Variants in PLD1 observed in about 807,000 individuals in gnomAD.
PLD1 encodes the protein phospholipase D1.
A neutral mutation model predicts 137.1 loss-of-function variants in PLD1; 112 were observed. That is an observed-to-expected ratio of 0.82 (90% CI 0.70 to 0.96). The LOEUF (loss-of-function observed/expected upper bound fraction) is 0.96. Ranked by LOEUF, PLD1 falls within the 40% of genes least tolerant of loss-of-function variation. PLD1 has a pLI of 0.00. For missense variants in PLD1, 1,321 were observed against 1,342.0 expected (o/e 0.98, Z 0.24); for synonymous variants, 431 against 454.7 (o/e 0.95, Z 0.66).
Position 171,604,648 on chromosome 3 carries a change from A to G in PLD1, c.3000+651T>C, listed in dbSNP as rs533199153. ...CTCTTTTACATTCTTTATTATAACC[A>G]AAGGATAGACTTCACAGGCAATGCA... is the stretch of plus-strand genomic sequence containing the variant. On this transcript the variant is annotated intron_variant, in intron 26 of 26. Coordinates refer to ENST00000351298, the MANE Select transcript of PLD1 (RefSeq NM_002662.5). Among the ~76,000 whole-genome samples, 35 of 152,328 alleles carry G rather than the reference A, an allele frequency of 2.3e-4. No individual in the cohort carries two copies. In the South Asian group the frequency reaches 2.5e-3, roughly 11 times the overall value.
intron 19 of PLD1, among the ~76,000 whole-genome samples, chr3:171,668,163 C>T (rs1474904176): frequency 6.6e-6 from 1 of 151,780 alleles, no homozygotes; most frequent in African/African-American, 2.4e-5. Context: ...AGATAATGCA[C>T]AAAGGGTTAG....
At chr3:171,800,300 C>G (rs1313376211) in intron 1 of PLD1, among the ~76,000 whole-genome samples, 2 of 151,996 alleles carry the variant, frequency 1.3e-5, no homozygotes, top group African/African-American at 4.8e-5. Flanking sequence ...CCTCCGTCTC[C>G]CTGGTTCAAG....
At chr3:171,691,917 A>G (rs551124218) in intron 13 of PLD1, among the ~76,000 whole-genome samples, 211 of 152,324 alleles carry the variant, frequency 1.4e-3, no homozygotes, top group African/African-American at 4.9e-3. Flanking sequence ...ATTTTATACT[A>G]GGTGCCATTG....
intron 8 of PLD1, among the ~76,000 whole-genome samples, chr3:171,716,267 CT>C (rs1242195562): frequency 6.6e-6 from 1 of 152,100 alleles, no homozygotes; most frequent in Admixed American, 6.5e-5. Context: ...AATGGAATTG[CT>C]GGGTTAAATG....
intron 23 of PLD1, among the ~76,000 whole-genome samples, chr3:171,633,620 G>GAACT (rs1274402740): frequency 6.6e-6 from 1 of 152,036 alleles, no homozygotes; most frequent in Non-Finnish European, 1.5e-5. Context: ...ATGTACCCCA[G>GAACT]AACTTAAAGT....
intron 1 of PLD1, among the ~76,000 whole-genome samples, chr3:171,749,419 C>T (rs1467610914): frequency 2.0e-5 from 3 of 152,142 alleles, no homozygotes; most frequent in African/African-American, 7.2e-5. Context: ...AATAACCACA[C>T]CCAGCATCCC....
In PLD1 at chr3:171,600,945, T is replaced by C. The variant is rs189257284; in HGVS notation, c.*2133A>G. 2.6e-4 allele frequency: 39 copies of C among 152,320 alleles called. No individual in the cohort carries two copies. The highest frequency in any genetic ancestry group is 8.9e-4 in the African/African-American group (37 of 41,568). The allele number at this position is 152,320 out of a possible 1,614,324, so 9.4% of individuals were successfully genotyped here. On this transcript the variant is annotated 3_prime_UTR_variant, in exon 27 of 27. Coordinates refer to ENST00000351298, the MANE Select transcript of PLD1 (RefSeq NM_002662.5). Reference sequence around the variant, plus strand: ...GGGATACACTATGAACAAAATACAGTGAAGTCCCTGCCCCATGGAGCTTAC... The same window carrying C: ...GGGATACACTATGAACAAAATACAGCGAAGTCCCTGCCCCATGGAGCTTAC...
chr3:171,710,523 C>T (rs1264319821), intron 9 of PLD1, among the ~76,000 whole-genome samples: 1 of 152,186 alleles, frequency 6.6e-6, no homozygotes, highest in African/African-American at 2.4e-5. Flanking sequence ...GTTCGAGCTT[C>T]TGTGAGAATC....
chr3:171,604,362 C>T (rs1732044226), intron 26 of PLD1, among the ~76,000 whole-genome samples: 1 of 149,078 alleles, frequency 6.7e-6, no homozygotes, highest in South Asian at 2.1e-4. Context: ...CAAGGTTATA[C>T]AGACAGTAGA....
chr3:171,693,477 G>A (rs1307790319), intron 12 of PLD1, among the ~76,000 whole-genome samples: 2 of 151,940 alleles, frequency 1.3e-5, no homozygotes, highest in African/African-American at 4.8e-5. Flanking sequence ...GCCCACTCAT[G>A]GATCCCCCTC....
chr3:171,726,199 TCAA>T, intron 6 of PLD1, 123 bp from the exon 7 acceptor site: 1 of 658,886 alleles, frequency 1.5e-6, no homozygotes, highest in Non-Finnish European at 2.7e-6. Flanking sequence ...ACTACACAGA[TCAA>T]TAATAATGGC....
At chr3:171,770,215 G>C (rs1464933219) in intron 1 of PLD1, among the ~76,000 whole-genome samples, 2 of 152,058 alleles carry the variant, frequency 1.3e-5, no homozygotes, top group African/African-American at 4.8e-5. Flanking sequence ...TAATCCTCGG[G>C]TAATCTCGTA....
chr3:171,639,045 T>C (rs77691117), intron 23 of PLD1, among the ~76,000 whole-genome samples: 1,841 of 151,934 alleles, frequency 0.012, 32 homozygotes, highest in African/African-American at 0.039. Flanking sequence ...GGATGGGAAT[T>C]ACATAGCCAG....
intron 8 of PLD1, among the ~76,000 whole-genome samples, chr3:171,720,293 CAAAAAAA>C (rs752618596): frequency 2.9e-5 from 2 of 67,916 alleles, no homozygotes; most frequent in East Asian, 9.0e-4. Flanking sequence ...GACCCTGTCT[CAAAAAAA>C]AAAAAAAAAA....
Position 171,662,145 on chromosome 3 carries a change from G to C in PLD1, c.2255C>G (p.Ser752Cys). Residue 752 changes from serine to cysteine, a missense_variant, in exon 20 of 27, where the codon TCT becomes TGT. By Grantham distance (112) the Ser-to-Cys change is moderately radical. Transcript: ENST00000351298. ...VQLLRSAADW[S>C]AGIKYHEESI... is the part of the protein sequence containing the mutation. ...CTCTTCATGGTACTTTATACCAGCA[G>C]ACCAATCAGCAGCAGAGCGGAGCAA... The C allele has an allele frequency of 6.2e-7, 1 of 1,612,942 alleles. No individual in the cohort carries two copies.
At chr3:171,686,922 C>G in intron 15 of PLD1, 124 bp from the exon 16 acceptor site, 1 of 531,500 alleles carries the variant, frequency 1.9e-6, no homozygotes, top group South Asian at 3.1e-5. Flanking sequence ...TTCTGTGCAA[C>G]AGAAAATTGT....
intron 19 of PLD1, among the ~76,000 whole-genome samples, chr3:171,667,900 T>A (rs536813213): frequency 1.1e-4 from 17 of 152,184 alleles, no homozygotes; most frequent in Non-Finnish European, 2.4e-4. Flanking sequence ...TACAGGCCCA[T>A]GCCACCATGC....
intron 6 of PLD1, among the ~76,000 whole-genome samples, chr3:171,728,361 T>C (rs1377544718): frequency 7.0e-6 from 1 of 142,006 alleles, no homozygotes; most frequent in African/African-American, 2.8e-5. Context: ...TTACATTTCA[T>C]TTCTTATATA....
intron 13 of PLD1, among the ~76,000 whole-genome samples, chr3:171,689,708 C>T (rs1007933602): frequency 3.3e-5 from 5 of 152,160 alleles, no homozygotes; most frequent in African/African-American, 9.7e-5. Context: ...TGCTATGTTG[C>T]TAATGCTGGT....
Sources: allele counts gnomAD v4.1 joint callset (sites outside exome capture counted in the v4.1 genomes callset), GRCh38; gene constraint gnomAD v4.1.1; transcripts MANE v1.5; gene names NCBI Gene and HGNC (gene_info 2026-07-23, HGNC 2026-07-21).